The following TMEFF2 variants were observed in gnomAD, a reference collection of about 807,000 sequenced individuals.
TMEFF2 encodes the protein transmembrane protein with EGF like and two follistatin like domains 2, also known as tomoregulin-2.
Under a neutral mutation model 53.8 loss-of-function variants are expected in TMEFF2, and 28 were observed. That is an observed-to-expected ratio of 0.52 (90% CI 0.39 to 0.71). The LOEUF is 0.71. Among genes scored for constraint, TMEFF2 ranks in the 30% least tolerant of loss-of-function variants. The probability of loss-of-function intolerance (pLI) is 0.00; values close to 1 mark genes in which losing one functional copy is unlikely to be tolerated. For synonymous variants in TMEFF2, 162 were observed against 166.3 expected, an observed-to-expected ratio of 0.97 and a Z score of 0.20; for missense variants, 353 against 455.2, an observed-to-expected ratio of 0.78 and a Z score of 2.04.
At chr2:191,973,256 G>A (rs1454763851) in intron 7 of TMEFF2, among the ~76,000 whole-genome samples, 4 of 151,846 alleles carry the variant, frequency 2.6e-5, no homozygotes, top group Non-Finnish European at 5.9e-5. Flanking sequence ...ATTATATAAC[G>A]TAGGTTTTCT....
rs137868827 is a variant in TMEFF2, at chr2:192,067,553, A to G, written c.440-9778T>C. Among the ~76,000 whole-genome samples the G allele has an allele frequency of 5.9e-5, 9 of 152,034 alleles. No individual in the cohort carries two copies. The East Asian group carries it at 1.7e-3, about 29-fold the overall frequency. On this transcript the variant is annotated intron_variant, in intron 4 of 9. Coordinates refer to ENST00000272771, the MANE Select transcript of TMEFF2 (RefSeq NM_016192.4). Reference sequence around the variant, plus strand: ...ACCTAAGTCTTTCTAAGTCTTCCTTACATCAATTTGTTGCTTGCCAACTTT... The same window carrying G: ...ACCTAAGTCTTTCTAAGTCTTCCTTGCATCAATTTGTTGCTTGCCAACTTT...
At chr2:192,159,813 T>C (rs1326741657) in intron 4 of TMEFF2, among the ~76,000 whole-genome samples, 2 of 152,168 alleles carry the variant, frequency 1.3e-5, no homozygotes, top group Non-Finnish European at 2.9e-5. Flanking sequence ...TTGCAGAACC[T>C]GAATAGGGGC....
At position 191,953,745 on chromosome 2, in the gene TMEFF2, A is replaced by G. The variant is rs1218388265; in HGVS notation, c.962T>C (p.Leu321Ser). ...VPGPVRFQYV[L>S]IAAVIGTIQI... Reference sequence around the variant, plus strand: ...AATTGTTCCAATCACAGCTGCGATTAAGACATACTGAAATCGTACAGGACC... The same window carrying G: ...AATTGTTCCAATCACAGCTGCGATTGAGACATACTGAAATCGTACAGGACC... The change falls in exon 9 of 10, where the codon TTA (leucine) becomes TCA (serine). Residue 321 changes from leucine (L) to serine (S), a missense_variant. By Grantham distance (145) the Leu-to-Ser change is moderately radical (BLOSUM62 -2). Around this residue, in one of 3 missense-constraint regions of TMEFF2, gnomAD observed 294 missense variants for 397.3 expected, o/e 0.74. Coordinates refer to ENST00000272771, the MANE Select transcript of TMEFF2 (RefSeq NM_016192.4). 1.2e-6 allele frequency: 2 copies of G among 1,614,202 alleles called. No homozygotes were observed. The highest frequency in any genetic ancestry group is 1.7e-6 in the Non-Finnish European group (2 of 1,180,012).
At chr2:191,983,906 C>G (rs918257072) in intron 7 of TMEFF2, among the ~76,000 whole-genome samples, 5 of 152,126 alleles carry the variant, frequency 3.3e-5, no homozygotes, top group African/African-American at 9.7e-5. Context: ...AAGAACTTTT[C>G]TTTTCCAAGA....
At chr2:192,098,802 T>C (rs906141071) in intron 4 of TMEFF2, among the ~76,000 whole-genome samples, 1 of 152,206 alleles carries the variant, frequency 6.6e-6, no homozygotes, top group Non-Finnish European at 1.5e-5. Context: ...ATTCATTATT[T>C]GTATGTGAGT....
intron 4 of TMEFF2, among the ~76,000 whole-genome samples, chr2:192,167,223 C>T (rs1238399574): frequency 6.6e-6 from 1 of 152,092 alleles, no homozygotes; most frequent in Admixed American, 6.5e-5. Context: ...AATAAAATAT[C>T]TAATGGCAGC....
At chr2:192,131,334 A>G (rs1173357059) in intron 4 of TMEFF2, among the ~76,000 whole-genome samples, 3 of 130,368 alleles carry the variant, frequency 2.3e-5, no homozygotes, top group African/African-American at 9.1e-5. Context: ...CCTTGTCTCT[A>G]CCCCTTCTCT....
chr2:191,968,830 G>A (rs757766622), intron 7 of TMEFF2, among the ~76,000 whole-genome samples: 1 of 152,012 alleles, frequency 6.6e-6, no homozygotes, highest in Non-Finnish European at 1.5e-5. Flanking sequence ...ACTTCATTCT[G>A]GGAAACACTG....
chr2:192,062,500 CAT>C (rs1182713373), intron 4 of TMEFF2, among the ~76,000 whole-genome samples: 2 of 152,070 alleles, frequency 1.3e-5, no homozygotes, highest in African/African-American at 2.4e-5. Flanking sequence ...TTTGTGTACA[CAT>C]ATGTTTTGAT....
chr2:192,128,070 G>A (rs1689721191), intron 4 of TMEFF2, among the ~76,000 whole-genome samples: 1 of 152,042 alleles, frequency 6.6e-6, no homozygotes, highest in African/African-American at 2.4e-5. Context: ...TTAGATTTTA[G>A]GGCACTGTAG....
At chr2:192,064,789 C>T (rs933295059) in intron 4 of TMEFF2, among the ~76,000 whole-genome samples, 1 of 151,730 alleles carries the variant, frequency 6.6e-6, no homozygotes, top group East Asian at 1.9e-4. Context: ...CTTGCTTTTT[C>T]CTTCTGTACA....
Position 191,950,006 on chromosome 2 carries a change from A to G in TMEFF2, c.*305T>C. ...TACAGTTATGAGATACCGCAAATTTAAGAATGCCAATTTTTTCTCATCACT... is the reference window on the plus strand; with the variant it reads ...TACAGTTATGAGATACCGCAAATTTGAGAATGCCAATTTTTTCTCATCACT... On this transcript the variant is annotated 3_prime_UTR_variant, in exon 10 of 10. Transcript: ENST00000272771. The G allele has an allele frequency of 1.8e-6, 2 of 1,112,250 alleles. No individual in the cohort carries two copies. Among genetic ancestry groups the G allele is most frequent in the Non-Finnish European group, 2.2e-6 (2 of 906,338 alleles). The allele number at this position is 1,112,250 out of a possible 1,614,324, so 68.9% of individuals were successfully genotyped here. A position where few individuals can be genotyped will look rare whatever the true frequency, so the allele number is the denominator to read the frequency against.
chr2:192,073,407 G>A (rs1688336036), intron 4 of TMEFF2, among the ~76,000 whole-genome samples: 1 of 151,762 alleles, frequency 6.6e-6, no homozygotes, highest in Non-Finnish European at 1.5e-5. Context: ...CAGTTTTAGT[G>A]CAGCTGGGAA....
chr2:191,959,719 CATT>C (rs1269289324), intron 7 of TMEFF2, among the ~76,000 whole-genome samples: 1 of 152,110 alleles, frequency 6.6e-6, no homozygotes, highest in Non-Finnish European at 1.5e-5. Flanking sequence ...CAAAGGAACA[CATT>C]ATGGATCAAA....
chr2:192,005,441 T>A (rs1174617618), intron 5 of TMEFF2, among the ~76,000 whole-genome samples: 3 of 152,226 alleles, frequency 2.0e-5, no homozygotes, highest in African/African-American at 7.2e-5. Flanking sequence ...TACATATTCA[T>A]GTGTCTGGTT....
intron 2 of TMEFF2, among the ~76,000 whole-genome samples, chr2:192,191,293 C>G (rs560293882): frequency 6.6e-6 from 1 of 152,222 alleles, no homozygotes; most frequent in East Asian, 1.9e-4. Flanking sequence ...ACTTGTGGAT[C>G]TAAATGCTCT....
intron 4 of TMEFF2, chr2:192,177,730 A>T (rs898901013): frequency 1.3e-5 from 2 of 151,092 alleles, no homozygotes; most frequent in African/African-American, 2.4e-5. Context: ...TTTCCAAGTG[A>T]TGTTTCACTT....
chr2:192,185,776 C>T (rs951779290), intron 2 of TMEFF2, among the ~76,000 whole-genome samples: 4 of 152,022 alleles, frequency 2.6e-5, no homozygotes, highest in Non-Finnish European at 5.9e-5. Context: ...AACTCTTGCT[C>T]TTTGCCTTTA....
chr2:192,110,845 C>A (rs1224196897), intron 4 of TMEFF2, among the ~76,000 whole-genome samples: 1 of 152,072 alleles, frequency 6.6e-6, no homozygotes, highest in East Asian at 1.9e-4. Flanking sequence ...TGGGAGATAA[C>A]TGAATCATGG....
Sources: gnomAD v4.1 joint callset for allele counts (sites outside exome capture counted in the v4.1 genomes callset) on GRCh38, gnomAD v4.1.1 for gene constraint, gnomAD v4.1.1 regional missense constraint, MANE v1.5 for transcripts, NCBI Gene and HGNC (gene_info 2026-07-23, HGNC 2026-07-21) for gene names.